The following UGT1A9 variants were observed in gnomAD, a reference collection of about 807,000 sequenced individuals.
UGT1A9 encodes UDP glucuronosyltransferase family 1 member A9, also known as UDP-glucuronosyltransferase 1A9.
A neutral mutation model predicts 45.0 loss-of-function variants in UGT1A9; 35 were observed. The observed-to-expected ratio is 0.78, with a 90% CI of 0.59 to 1.03. The LOEUF (loss-of-function observed/expected upper bound fraction) is 1.03. UGT1A9 is among the 50% of genes least tolerant of loss of function. The pLI, the probability that UGT1A9 is intolerant of heterozygous loss-of-function variation, is 0.00. For synonymous variants in UGT1A9, 278 were observed against 250.6 expected (o/e 1.11, Z -1.03); for missense variants, 687 against 666.6 (o/e 1.03, Z -0.34).
intron 1 of UGT1A9, chr2:233,760,208 A>C: frequency 6.3e-7 from 1 of 1,589,248 alleles, no homozygotes; most frequent in African/African-American, 1.4e-5. Context: ...TCAAACATTA[A>C]CTTGGTGTAT....
chr2:233,742,761 T>C (rs978880235), intron 1 of UGT1A9: 1 of 153,020 alleles, frequency 6.5e-6, no homozygotes, highest in African/African-American at 2.4e-5. Flanking sequence ...ATTAAGATAA[T>C]AAATGCATGT....
chr2:233,706,865 A>T (rs2075928128), intron 1 of UGT1A9, among the ~76,000 whole-genome samples: 1 of 152,188 alleles, frequency 6.6e-6, no homozygotes, highest in South Asian at 2.1e-4. Flanking sequence ...AGATTCCTAG[A>T]CCTGGCACTT....
chr2:233,727,408 C>T (rs1347746935), intron 1 of UGT1A9, among the ~76,000 whole-genome samples: 2 of 152,116 alleles, frequency 1.3e-5, no homozygotes, highest in Non-Finnish European at 2.9e-5. Flanking sequence ...ACATGGGCCT[C>T]CTCAGGGTCT....
At chr2:233,682,150 T>C in intron 1 of UGT1A9, 1 of 1,614,172 alleles carries the variant, frequency 6.2e-7, no homozygotes, top group Non-Finnish European at 8.5e-7. Context: ...GATCACTGAA[T>C]TGCACAGTGA....
At chr2:233,718,922 G>A (rs1204171284) in intron 1 of UGT1A9, 3 of 1,614,120 alleles carry the variant, frequency 1.9e-6, no homozygotes, top group Non-Finnish European at 2.5e-6. Context: ...TGTTGGTGGT[G>A]CCCACTGATG....
intron 1 of UGT1A9, among the ~76,000 whole-genome samples, chr2:233,727,276 C>G (rs1480742457): frequency 6.6e-6 from 1 of 152,140 alleles, no homozygotes; most frequent in Non-Finnish European, 1.5e-5. Context: ...CATCTCCAGA[C>G]CCTGGAAGCT....
At chr2:233,682,534 C>T (rs759740806) in intron 1 of UGT1A9, 53 of 1,613,770 alleles carry the variant, frequency 3.3e-5, no homozygotes, top group Admixed American at 2.0e-4. Flanking sequence ...GGTTCTCAGA[C>T]GCCATGACTT....
chr2:233,687,583 TAAAAAAAAAAAAAAA>T (rs71398794), intron 1 of UGT1A9, among the ~76,000 whole-genome samples: 8 of 107,454 alleles, frequency 7.4e-5, no homozygotes, highest in Non-Finnish European at 5.7e-5. Flanking sequence ...ACATTCTTTG[TAAAAAAAAAAAAAAA>T]AAAAAAAAAG....
At chr2:233,735,916 G>A (rs182665210) in intron 1 of UGT1A9, among the ~76,000 whole-genome samples, 217 of 152,260 alleles carry the variant, frequency 1.4e-3, no homozygotes, top group South Asian at 0.012. Context: ...TGGGTAACCC[G>A]ACCTTTCTCT....
intron 1 of UGT1A9, chr2:233,752,561 A>G (rs1440235236): frequency 6.6e-6 from 1 of 152,232 alleles, no homozygotes; most frequent in Non-Finnish European, 1.5e-5. Context: ...GGGACAACAT[A>G]GTGGGTCAAC....
At chr2:233,732,129 GTTGTTTGT>G (rs201829156) in intron 1 of UGT1A9, among the ~76,000 whole-genome samples, 3 of 151,474 alleles carry the variant, frequency 2.0e-5, no homozygotes, top group African/African-American at 4.9e-5. Context: ...TTTTGATGAG[GTTGTTTGT>G]TTGTTTTTTT....
chr2:233,703,443 C>T (rs1040627935), intron 1 of UGT1A9, among the ~76,000 whole-genome samples: 3 of 151,842 alleles, frequency 2.0e-5, no homozygotes, highest in African/African-American at 7.3e-5. Context: ...ATTTCTATGT[C>T]GTTAATTTCC....
intron 1 of UGT1A9, among the ~76,000 whole-genome samples, chr2:233,728,144 G>T (rs577177228): frequency 2.0e-5 from 3 of 152,328 alleles, no homozygotes; most frequent in South Asian, 4.2e-4. Flanking sequence ...CCCACAAATT[G>T]TGCAGCCCAT....
chr2:233,716,263 C>A lies in UGT1A9; in HGVS notation c.855+43474C>A, dbSNP rs188566072. Reference sequence around the variant, plus strand: ...TGCCCGGACATCCAGCATAATCTCCCCATGTCAAAACCCTTAATATAATCA... The same window carrying A: ...TGCCCGGACATCCAGCATAATCTCCACATGTCAAAACCCTTAATATAATCA... On this transcript the variant is annotated intron_variant, in intron 1 of 4. Transcript: ENST00000354728. Among the ~76,000 whole-genome samples the A allele has an allele frequency of 7.2e-4, 110 of 152,288 alleles. 1 individual carries two copies. Among genetic ancestry groups the A allele is most frequent in the Non-Finnish European group, 1.2e-3 (81 of 68,028 alleles).
chr2:233,757,874 A>G (rs1242256383), intron 1 of UGT1A9, among the ~76,000 whole-genome samples: 10 of 152,078 alleles, frequency 6.6e-5, no homozygotes, highest in Admixed American at 5.9e-4. Flanking sequence ...AAGTAGCTTC[A>G]AAAGGGTTCC....
At position 233,772,978 on chromosome 2, in the gene UGT1A9, T is replaced by C. The variant is rs34942353; in HGVS notation, c.*419T>C. On this transcript the variant is annotated 3_prime_UTR_variant, in exon 5 of 5. Coordinates refer to ENST00000354728, the MANE Select transcript of UGT1A9 (RefSeq NM_021027.3). ...GTTGCAATTGATCCTTAACCAATAATGGTCAGTCCTCATCTCTGTCGTGCT... is the reference window on the plus strand; with the variant it reads ...GTTGCAATTGATCCTTAACCAATAACGGTCAGTCCTCATCTCTGTCGTGCT... 9.7e-5 allele frequency: 29 copies of C among 299,424 alleles called. No homozygotes were observed. The East Asian group carries it at 2.0e-3, about 21-fold the overall frequency. 18.5% of individuals were successfully genotyped at this position (299,424 alleles called of 1,614,324 possible).
intron 1 of UGT1A9, among the ~76,000 whole-genome samples, chr2:233,680,026 TTTTCTTTTTCTCTTTC>T (rs1446340462): frequency 2.0e-5 from 3 of 152,184 alleles, no homozygotes; most frequent in Non-Finnish European, 4.4e-5. Flanking sequence ...TCTCTCTCTT[TTTTCTTTTTCTCTTTC>T]TTTCTTTTGC....
chr2:233,721,426 G>A (rs2076944499), intron 1 of UGT1A9: 1 of 156,732 alleles, frequency 6.4e-6, no homozygotes, highest in African/African-American at 2.4e-5. Flanking sequence ...CCTAAGCATT[G>A]TGGTTTTAAT....
At chr2:233,708,287 G>A (rs2076011328) in intron 1 of UGT1A9, among the ~76,000 whole-genome samples, 1 of 152,124 alleles carries the variant, frequency 6.6e-6, no homozygotes, top group African/African-American at 2.4e-5. Flanking sequence ...ATCATCAAAT[G>A]CTTTCAGTTT....
Sources: allele counts gnomAD v4.1 joint callset (sites outside exome capture counted in the v4.1 genomes callset), GRCh38; gene constraint gnomAD v4.1.1; transcripts MANE v1.5; gene names NCBI Gene and HGNC (gene_info 2026-07-23, HGNC 2026-07-21).